STXBP5L: variants seen among roughly 807,000 people sequenced by gnomAD.
STXBP5L encodes syntaxin binding protein 5L.
A neutral mutation model predicts 144.5 loss-of-function variants in STXBP5L; 65 were observed. The observed-to-expected ratio is 0.45, with a 90% CI of 0.37 to 0.55. STXBP5L has a LOEUF of 0.55. Ranked by LOEUF, STXBP5L falls within the 20% of genes least tolerant of loss-of-function variation. The pLI is 0.00. For synonymous variants in STXBP5L, 505 were observed against 469.6 expected, an observed-to-expected ratio of 1.08 and a Z score of -0.97; for missense variants, 1,298 against 1,405.5, an observed-to-expected ratio of 0.92 and a Z score of 1.22.
chr3:121,305,501 A>C (rs960017258), intron 19 of STXBP5L, among the ~76,000 whole-genome samples: 4 of 152,186 alleles, frequency 2.6e-5, no homozygotes, highest in Non-Finnish European at 5.9e-5. Flanking sequence ...GCAAGTTTAA[A>C]ATTTGAAAAT....
intron 3 of STXBP5L, among the ~76,000 whole-genome samples, chr3:121,030,319 T>C (rs1195580233): frequency 1.3e-5 from 2 of 152,040 alleles, no homozygotes; most frequent in African/African-American, 4.8e-5. Context: ...GAAGATGTGG[T>C]GCATATATAC....
intron 1 of STXBP5L, among the ~76,000 whole-genome samples, chr3:120,908,924 C>G (rs1467106849): frequency 1.3e-5 from 2 of 151,488 alleles, no homozygotes; most frequent in Non-Finnish European, 2.9e-5. Flanking sequence ...TTCTCCTCCT[C>G]CCCCCCTCCC....
At chr3:121,274,167 T>C (rs1285772124) in intron 18 of STXBP5L, among the ~76,000 whole-genome samples, 2 of 152,176 alleles carry the variant, frequency 1.3e-5, no homozygotes, top group Non-Finnish European at 2.9e-5. Context: ...TGCATTGATG[T>C]TTGTATATTT....
At chr3:121,366,814 C>T (rs2045876705) in intron 20 of STXBP5L, among the ~76,000 whole-genome samples, 1 of 148,958 alleles carries the variant, frequency 6.7e-6, no homozygotes, top group Non-Finnish European at 1.5e-5. Flanking sequence ...CTTTTTTGTA[C>T]TCCATTTTTT....
intron 5 of STXBP5L, among the ~76,000 whole-genome samples, chr3:121,067,693 TAA>T (rs1344440174): frequency 1.3e-5 from 2 of 152,188 alleles, no homozygotes; most frequent in African/African-American, 4.8e-5. Flanking sequence ...TATCTGATAT[TAA>T]GAGAGGACCG....
At chr3:121,014,194 G>A (rs530022393) in intron 3 of STXBP5L, among the ~76,000 whole-genome samples, 1 of 152,042 alleles carries the variant, frequency 6.6e-6, no homozygotes, top group South Asian at 2.1e-4. Context: ...TAAATAGATA[G>A]GAATAGTGTT....
intron 9 of STXBP5L, among the ~76,000 whole-genome samples, chr3:121,160,321 C>T (rs1220685283): frequency 6.6e-6 from 1 of 152,034 alleles, no homozygotes; most frequent in Admixed American, 6.6e-5. Flanking sequence ...CTATAAAGAG[C>T]ATAGTCCACC....
intron 9 of STXBP5L, among the ~76,000 whole-genome samples, chr3:121,160,533 G>A (rs1415929291): frequency 1.3e-5 from 2 of 152,156 alleles, no homozygotes; most frequent in East Asian, 1.9e-4. Flanking sequence ...GAGGATGTAT[G>A]TAGATTATAT....
At chr3:121,262,424 G>C (rs1459044246) in intron 18 of STXBP5L, among the ~76,000 whole-genome samples, 4 of 152,222 alleles carry the variant, frequency 2.6e-5, no homozygotes, top group Admixed American at 1.3e-4. Flanking sequence ...GAGGTCAGGA[G>C]TTTGAGACCA....
rs764407099 is a variant in STXBP5L at position 121,381,487 on chromosome 3, G to A, written c.2542G>A (p.Ala848Thr). 2.5e-6 allele frequency: 4 copies of A among 1,595,294 alleles called. No individual in the cohort carries two copies. The highest frequency in any genetic ancestry group is 2.3e-5 in the South Asian group (2 of 86,956). Residue 848 changes from alanine (A) to threonine (T), a missense_variant, in exon 22 of 27, where the codon GCA (alanine) becomes ACA (threonine). Physicochemically the swap from Ala to Thr is moderately conservative, Grantham distance 58. Coordinates refer to ENST00000471454, the MANE Select transcript of STXBP5L (RefSeq NM_001308330.2). The stretch of plus-strand genomic sequence containing the variant: ...AATCATCTCCTTAAACCTACCATTA[G>A]CAGATGAACAAAGGTTTACAGAGCC... ...VLIISLNLPL[A>T]DEQRFTEPVM...
chr3:121,381,028 G>A (rs563062279), intron 21 of STXBP5L, among the ~76,000 whole-genome samples: 4 of 152,142 alleles, frequency 2.6e-5, no homozygotes, highest in East Asian at 3.9e-4. Flanking sequence ...GTGAGTTAAC[G>A]TAGAGAAAGA....
intron 3 of STXBP5L, among the ~76,000 whole-genome samples, chr3:120,959,066 A>T (rs1938410749): frequency 6.6e-6 from 1 of 152,258 alleles, no homozygotes. Context: ...GTCTCAGGAT[A>T]CAAAATCAAT....
chr3:121,019,475 A>G (rs909068522), intron 3 of STXBP5L, among the ~76,000 whole-genome samples: 7 of 152,090 alleles, frequency 4.6e-5, no homozygotes, highest in African/African-American at 1.2e-4. Flanking sequence ...CAAAACCAAC[A>G]CACTTACCAA....
intron 9 of STXBP5L, among the ~76,000 whole-genome samples, chr3:121,160,103 A>G (rs891962599): frequency 1.3e-5 from 2 of 152,120 alleles, no homozygotes; most frequent in Non-Finnish European, 2.9e-5. Flanking sequence ...TGTTTTATGT[A>G]TTTTAAAAAA....
chr3:121,346,657 G>A (rs1482143032), intron 20 of STXBP5L, among the ~76,000 whole-genome samples: 1 of 152,170 alleles, frequency 6.6e-6, no homozygotes, highest in Non-Finnish European at 1.5e-5. Flanking sequence ...ACTGGTGTGA[G>A]ATGGTATCTC....
intron 6 of STXBP5L, among the ~76,000 whole-genome samples, chr3:121,121,116 C>T (rs571126158): frequency 2.6e-5 from 4 of 151,292 alleles, no homozygotes; most frequent in African/African-American, 9.6e-5. Flanking sequence ...CTAGGTTTCA[C>T]TCCAATTTGT....
intron 3 of STXBP5L, among the ~76,000 whole-genome samples, chr3:120,957,387 C>T (rs1389579724): frequency 5.9e-5 from 9 of 151,822 alleles, no homozygotes; most frequent in African/African-American, 1.9e-4. Context: ...GAGATGATTC[C>T]CACTTGATAA....
intron 9 of STXBP5L, among the ~76,000 whole-genome samples, chr3:121,184,034 G>A (rs1005513300): frequency 2.6e-5 from 4 of 151,884 alleles, no homozygotes; most frequent in African/African-American, 4.8e-5. Context: ...CAAAAAGGAT[G>A]TACACCCAAA....
intron 2 of STXBP5L, among the ~76,000 whole-genome samples, chr3:120,940,738 G>T (rs1368021272): frequency 6.6e-6 from 1 of 151,700 alleles, no homozygotes; most frequent in Non-Finnish European, 1.5e-5. Flanking sequence ...AAGATGATAG[G>T]ATTGGATATC....
Sources: allele counts gnomAD v4.1 joint callset (sites outside exome capture counted in the v4.1 genomes callset), GRCh38; gene constraint gnomAD v4.1.1; transcripts MANE v1.5; gene names NCBI Gene and HGNC (gene_info 2026-07-23, HGNC 2026-07-21).